OTOG: variants seen among roughly 807,000 people sequenced by gnomAD.
The protein encoded by OTOG is otogelin.
A neutral mutation model predicts 313.8 loss-of-function variants in OTOG; 296 were observed. The observed-to-expected ratio is 0.94, with a 90% CI of 0.86 to 1.04. OTOG has a LOEUF of 1.04. Ranked by LOEUF, OTOG falls within the 50% of genes least tolerant of loss-of-function variation. The pLI, the probability that OTOG is intolerant of heterozygous loss-of-function variation, is 0.00. For missense variants in OTOG, 3,948 were observed against 3,840.1 expected (o/e 1.03, Z -0.74); for synonymous variants, 1,533 against 1,554.9 (o/e 0.99, Z 0.33).
At chr11:17,644,133 C>G (rs1848027479) in intron 54 of OTOG, among the ~76,000 whole-genome samples, 1 of 152,270 alleles carries the variant, frequency 6.6e-6, no homozygotes, top group Non-Finnish European at 1.5e-5. Context: ...GCAGTGCATG[C>G]TGGGTAGTGA....
intron 8 of OTOG, 131 bp downstream of exon 8, chr11:17,557,454 G>A: frequency 1.2e-6 from 1 of 842,998 alleles, no homozygotes; most frequent in Non-Finnish European, 1.8e-6. Flanking sequence ...CCAATGGAAG[G>A]CCAAGGACCC....
chr11:17,573,948 T>C (rs946538251), intron 19 of OTOG, among the ~76,000 whole-genome samples: 9 of 152,232 alleles, frequency 5.9e-5, no homozygotes, highest in Non-Finnish European at 1.2e-4. Context: ...ACAGGCCCAC[T>C]GGTTCTTAAC....
Position 17,596,039 on chromosome 11 carries a change from G to A in OTOG, c.3410G>A (p.Cys1137Tyr), listed in dbSNP as rs1301688603. ...EFGSSWAAVE[C>Y]PDTLDPRDMC... ...AACAGCCCTGCCTTTGCCCCTCAGT[G>A]CCCAGACACCCTCGATCCTCGGGAT... The change falls in exon 29 of 56, where the codon TGC (cysteine) becomes TAC (tyrosine). Residue 1137 changes from cysteine to tyrosine, a missense_variant and splice_region_variant. By Grantham distance (194) the Cys-to-Tyr change is radical (BLOSUM62 -2). Transcript: ENST00000399397. The A allele has an allele frequency of 6.5e-7, 1 of 1,550,134 alleles. No homozygotes were observed. The highest frequency in any genetic ancestry group is 8.7e-7 in the Non-Finnish European group (1 of 1,146,446).
At position 17,610,777 on chromosome 11, in the gene OTOG, C is replaced by A; in HGVS notation, c.5477C>A (p.Ala1826Asp). 6.5e-7 allele frequency: 1 copy of A among 1,550,256 alleles called. No homozygotes were observed. The highest frequency in any genetic ancestry group is 8.7e-7 in the Non-Finnish European group (1 of 1,147,002). ...SAPVATPGPK[A>D]SVITTPLQPQ... Reference sequence around the variant, plus strand: ...CCAGTGGCCACACCCGGCCCCAAAGCCTCTGTCATCACCACTCCACTCCAG... The same window carrying A: ...CCAGTGGCCACACCCGGCCCCAAAGACTCTGTCATCACCACTCCACTCCAG... The change falls in exon 36 of 56, where the codon GCC becomes GAC. Residue 1826 changes from alanine to aspartate, a missense_variant. Coordinates refer to ENST00000399397, the MANE Select transcript of OTOG (RefSeq NM_001292063.2).
chr11:17,627,019 G>A (rs1385213116), intron 39 of OTOG, among the ~76,000 whole-genome samples: 1 of 152,102 alleles, frequency 6.6e-6, no homozygotes, highest in East Asian at 1.9e-4. Flanking sequence ...GTTTTTTGGT[G>A]GAATCTTTAG....
intron 54 of OTOG, among the ~76,000 whole-genome samples, chr11:17,644,580 C>A (rs1405115512): frequency 6.6e-6 from 1 of 152,080 alleles, no homozygotes; most frequent in African/African-American, 2.4e-5. Context: ...AAATATATAC[C>A]AGGATGGAAG....
chr11:17,632,020 A>C, intron 41 of OTOG, 68 bp from the exon 42 acceptor site: 1 of 1,538,188 alleles, frequency 6.5e-7, no homozygotes. Flanking sequence ...TTGGGCAGGG[A>C]GGGGAGGAGC....
intron 31 of OTOG, among the ~76,000 whole-genome samples, chr11:17,600,293 TG>T (rs1244219073): frequency 1.8e-5 from 2 of 112,018 alleles, no homozygotes; most frequent in African/African-American, 6.7e-5. Context: ...ATTGGGTGGG[TG>T]GGGTAGAGAA....
intron 40 of OTOG, among the ~76,000 whole-genome samples, chr11:17,631,269 G>GCAAGCTTTTATAA (rs1854115569): frequency 6.6e-6 from 1 of 151,702 alleles, no homozygotes; most frequent in African/African-American, 2.4e-5. Flanking sequence ...GTGTAATATA[G>GCAAGCTTTTATAA]CAAAGCTTAT....
intron 53 of OTOG, among the ~76,000 whole-genome samples, chr11:17,643,208 C>T (rs958051843): frequency 1.3e-5 from 2 of 152,212 alleles, no homozygotes; most frequent in African/African-American, 4.8e-5. Flanking sequence ...AGGGGAACTG[C>T]CCCAGGAAAG....
chr11:17,609,601 A>G, intron 35 of OTOG, 54 bp from the exon 36 acceptor site: 1 of 1,395,410 alleles, frequency 7.2e-7, no homozygotes, highest in Non-Finnish European at 9.6e-7. Context: ...CCCAGCAATG[A>G]CCCCCGGGGC....
intron 21 of OTOG, 116 bp from the exon 22 acceptor site, chr11:17,576,752 G>C: frequency 1.4e-6 from 2 of 1,455,416 alleles, no homozygotes; most frequent in Middle Eastern, 3.5e-4. Flanking sequence ...GCAGGGAGGG[G>C]GAAGTGAGTG....
At chr11:17,550,487 T>C (rs1466225925) in intron 3 of OTOG, among the ~76,000 whole-genome samples, 2 of 152,254 alleles carry the variant, frequency 1.3e-5, no homozygotes, top group African/African-American at 4.8e-5. Flanking sequence ...GAGCGCCTGA[T>C]TGATTAGCCC....
chr11:17,632,987 G>A (rs1854166787), intron 42 of OTOG, among the ~76,000 whole-genome samples: 2 of 152,224 alleles, frequency 1.3e-5, no homozygotes, highest in Admixed American at 6.5e-5. Flanking sequence ...GAAAATACCA[G>A]TGTGTATTGC....
rs1161719473 is a variant in OTOG at position 17,599,675 on chromosome 11, T to C, written c.3687T>C (p.Tyr1229=). The change falls in exon 31 of 56, where the codon TAT becomes TAC. Residue 1229 remains tyrosine (Y), a synonymous_variant. Transcript: ENST00000399397. Reference sequence around the variant, plus strand: ...TTCCTGTTCTCTCTCTTTCAGCGTATGACTGTGACTTCTTTAACAAAGGTA... The same window carrying C: ...TTCCTGTTCTCTCTCTTTCAGCGTACGACTGTGACTTCTTTAACAAAGGTA... ...VDWRTPRLCP[Y]DCDFFNKVLG... 24 of 1,550,604 alleles carry C rather than the reference T, an allele frequency of 1.5e-5. No homozygotes were observed. The highest frequency in any genetic ancestry group is 2.0e-5 in the Non-Finnish European group (23 of 1,147,020).
At chr11:17,631,621 G>A (rs1368881304) in intron 40 of OTOG, 81 bp from the exon 41 acceptor site, 3 of 1,169,350 alleles carry the variant, frequency 2.6e-6, no homozygotes, top group Middle Eastern at 1.9e-4. Context: ...AAAGAACTGT[G>A]AGGAATACAA....
intron 15 of OTOG, 59 bp downstream of exon 15, chr11:17,561,866 A>T: frequency 6.5e-7 from 1 of 1,541,372 alleles, no homozygotes; most frequent in Non-Finnish European, 8.8e-7. Flanking sequence ...ACTGCCCCCA[A>T]GAGAGACTGG....
chr11:17,634,156 C>G lies in OTOG; in HGVS notation c.7355C>G (p.Ala2452Gly), dbSNP rs1854201751. 6.5e-7 allele frequency: 1 copy of G among 1,549,834 alleles called. No individual in the cohort carries two copies. Among genetic ancestry groups the G allele is most frequent in the African/African-American group, 1.4e-5 (1 of 73,014 alleles). Residue 2452 changes from alanine (A) to glycine (G), a missense_variant, in exon 44 of 56, where the codon GCC becomes GGC. By Grantham distance (60) the Ala-to-Gly change is moderately conservative. Transcript: ENST00000399397. The stretch of plus-strand genomic sequence containing the variant: ...GGCTGCTGCCAGCACCAGTGCCAAG[C>G]CCCAGACACCATTGTCCCGGTGGAT... ...LSGCCQHQCQ[A>G]PDTIVPVDLG...
At chr11:17,608,550 G>A (rs145834949) in intron 34 of OTOG, 137 bp downstream of exon 34, 371 of 604,822 alleles carry the variant, frequency 6.1e-4, no homozygotes, top group African/African-American at 5.1e-3. Context: ...GTGTCTTTCC[G>A]TATATGCACA....
Sources: gnomAD v4.1 joint callset for allele counts (sites outside exome capture counted in the v4.1 genomes callset) on GRCh38, gnomAD v4.1.1 for gene constraint, MANE v1.5 for transcripts, NCBI Gene and HGNC (gene_info 2026-07-23, HGNC 2026-07-21) for gene names.